The following ITGB4 variants were observed in gnomAD, a reference collection of about 807,000 sequenced individuals.
ITGB4 encodes the protein integrin subunit beta 4.
ITGB4 carries 159 observed loss-of-function variants against 207.6 expected under a neutral mutation model. That is an observed-to-expected ratio of 0.77 (90% confidence interval 0.67 to 0.87). The LOEUF is 0.87. Among genes scored for constraint, ITGB4 ranks in the 40% least tolerant of loss-of-function variants. The pLI is 0.00. For synonymous variants in ITGB4, 1,020 were observed against 1,062.7 expected, an observed-to-expected ratio of 0.96 and a Z score of 0.78; for missense variants, 2,278 against 2,546.8, an observed-to-expected ratio of 0.89 and a Z score of 2.27.
Position 75,727,117 on chromosome 17 carries a change from C to T in ITGB4, c.80-78C>T. On this transcript the variant is annotated intron_variant, in intron 2 of 39. Transcript: ENST00000200181. This position sits in a 1 kb window ranked among gnomAD's most constrained non-coding sequence, Gnocchi z 6.0. Reference sequence around the variant, plus strand: ...CATAAGGAGGGAATCCCCATCTCTCCAGGTGAAGGTGCAGGTGGGAAAGTG... The same window carrying T: ...CATAAGGAGGGAATCCCCATCTCTCTAGGTGAAGGTGCAGGTGGGAAAGTG... The T allele has an allele frequency of 2.8e-6, 3 of 1,079,918 alleles. No homozygotes were observed. Among genetic ancestry groups the T allele is most frequent in the African/African-American group, 1.6e-5 (1 of 63,808 alleles). 66.9% of individuals were successfully genotyped at this position (1,079,918 alleles called of 1,614,324 possible).
At position 75,740,610 on chromosome 17, in the gene ITGB4, G is replaced by A. The variant is rs755822376; in HGVS notation, c.2550+149G>A. On this transcript the variant is annotated intron_variant, in intron 21 of 39. Coordinates refer to ENST00000200181, the MANE Select transcript of ITGB4 (RefSeq NM_000213.5). This position sits in a 1 kb window ranked among gnomAD's most constrained non-coding sequence, Gnocchi z 5.9. ...ACCTGTGCCTGGCAGGGGGCATCCT[G>A]GGATCTGTTTCCAGAGGGCAGAAGG... 3 of 955,344 alleles carry A rather than the reference G, an allele frequency of 3.1e-6. No homozygotes were observed. The highest frequency in any genetic ancestry group is 2.4e-4 in the Middle Eastern group (1 of 4,236). 59.2% of individuals were successfully genotyped at this position (955,344 alleles called of 1,614,324 possible). A position where few individuals can be genotyped will look rare whatever the true frequency, so the allele number is the denominator to read the frequency against.
intron 13 of ITGB4, among the ~76,000 whole-genome samples, chr17:75,735,156 C>G (rs1326388443): frequency 6.6e-6 from 1 of 151,956 alleles, no homozygotes; most frequent in Non-Finnish European, 1.5e-5. Context: ...GGCATGATCT[C>G]AGCTCACTAC....
At chr17:75,724,819 G>A (rs2060686372) in intron 2 of ITGB4, 37 bp downstream of exon 2, 1 of 1,569,776 alleles carries the variant, frequency 6.4e-7, no homozygotes, top group East Asian at 2.2e-5. Flanking sequence ...CTCCTGGCAG[G>A]ATCATCCCTT....
Position 75,731,418 on chromosome 17 carries a change from A to G in ITGB4, c.1215+50A>G. On this transcript the variant is annotated intron_variant, in intron 10 of 39. Coordinates refer to ENST00000200181, the MANE Select transcript of ITGB4 (RefSeq NM_000213.5). The surrounding 1 kb of genome is among the most constrained non-coding windows in gnomAD (Gnocchi z 6.8). ...GTGGGGGATAGGCACAGCGCCCCAC[A>G]CCGAGTGGAATCGTTTAAAACAGCG... 6.4e-7 allele frequency: 1 copy of G among 1,564,704 alleles called. No individual in the cohort carries two copies. Among genetic ancestry groups the G allele is most frequent in the Non-Finnish European group, 8.7e-7 (1 of 1,146,028 alleles).
intron 30 of ITGB4, among the ~76,000 whole-genome samples, 192 bp downstream of exon 30, chr17:75,751,303 G>T (rs755926802): frequency 8.8e-4 from 134 of 152,206 alleles, no homozygotes; most frequent in Non-Finnish European, 1.8e-3. Flanking sequence ...TGCATTCTAA[G>T]ACCAAACCCA....
rs755343727 is a variant in ITGB4 at position 75,750,083 on chromosome 17, G to T, written c.3317-28G>T. 2.1e-5 allele frequency: 34 copies of T among 1,613,228 alleles called. No homozygotes were observed. The highest frequency in any genetic ancestry group is 2.5e-5 in the Non-Finnish European group (29 of 1,179,996). On this transcript the variant is annotated intron_variant, in intron 27 of 39. Coordinates refer to ENST00000200181, the MANE Select transcript of ITGB4 (RefSeq NM_000213.5). This position sits in a 1 kb window ranked among gnomAD's most constrained non-coding sequence, Gnocchi z 5.5. Reference sequence around the variant, plus strand: ...CTGGTGGTGAAGGGGGATCTGAGTGGTTGCCCGGCCCCAACCTGACCCGTT... The same window carrying T: ...CTGGTGGTGAAGGGGGATCTGAGTGTTTGCCCGGCCCCAACCTGACCCGTT...
chr17:75,755,195 G>T (rs1416322589), intron 34 of ITGB4: 2 of 1,604,872 alleles, frequency 1.2e-6, no homozygotes, highest in South Asian at 1.1e-5. Context: ...GAGGCCAGCA[G>T]CGCCCTCCTG....
Position 75,749,011 on chromosome 17 carries a change from GC to G in ITGB4, c.3286del (p.His1096ThrfsTer64). ...NPKFGAHLGQPHSTTIIIRDP... is the reference protein window; with the variant it reads ...NPKFGAHLGQXHSTTIIIRDP... ...CTAAGTTTGGGGCCCACCTGGGCCAGCCCCACTCCACCACCATCATCATCAG... is the reference window on the plus strand; with the variant it reads ...CTAAGTTTGGGGCCCACCTGGGCCAGCCCACTCCACCACCATCATCATCAG... On this transcript the variant is annotated frameshift_variant, in exon 27 of 40. Coordinates refer to ENST00000200181, the MANE Select transcript of ITGB4 (RefSeq NM_000213.5). LOFTEE classifies it high-confidence loss of function. 6.2e-7 allele frequency: 1 copy of G among 1,612,368 alleles called. No homozygotes were observed. The highest frequency in any genetic ancestry group is 8.5e-7 in the Non-Finnish European group (1 of 1,179,922).
chr17:75,740,121 T>G lies in ITGB4; in HGVS notation c.2446+50T>G, dbSNP rs1229244723. The G allele has an allele frequency of 1.3e-6, 2 of 1,552,618 alleles. No individual in the cohort carries two copies. The highest frequency in any genetic ancestry group is 2.4e-5 in the South Asian group (2 of 84,704). ...GCTCTGGGCAGTGCCCTTCGGGCCC[T>G]CTGTTCCAGATCTGGGATCACAGCA... On this transcript the variant is annotated intron_variant, in intron 20 of 39. Coordinates refer to ENST00000200181, the MANE Select transcript of ITGB4 (RefSeq NM_000213.5). The surrounding 1 kb of genome is among the most constrained non-coding windows in gnomAD (Gnocchi z 5.9).
chr17:75,746,671 GGCTCAT>G (rs1239084463), intron 26 of ITGB4, among the ~76,000 whole-genome samples: 1 of 151,630 alleles, frequency 6.6e-6, no homozygotes, highest in Non-Finnish European at 1.5e-5. Flanking sequence ...TGGGTACAGT[GGCTCAT>G]GCCTGTAATC....
chr17:75,730,596 CCCTCCCTT>C lies in ITGB4; in HGVS notation c.1002+108_1002+115del, dbSNP rs1226777452. 7.0e-3 allele frequency: 8,017 copies of C among 1,150,470 alleles called. 28 individuals carry two copies. Among genetic ancestry groups the C allele is most frequent in the African/African-American group, 0.023 (1,326 of 57,700 alleles). 71.3% of individuals were successfully genotyped at this position (1,150,470 alleles called of 1,614,324 possible). A position where few individuals can be genotyped will look rare whatever the true frequency, so the allele number is the denominator to read the frequency against. Reference sequence around the variant, plus strand: ...CCTCTCCCTCCCTCCCTCCCTCCCTCCCTCCCTTCCTCCCTTCCTCCCTCCCTCTTTTC... The same window carrying C: ...CCTCTCCCTCCCTCCCTCCCTCCCTCCCTCCCTTCCTCCCTCCCTCTTTTC... On this transcript the variant is annotated intron_variant, in intron 8 of 39. Coordinates refer to ENST00000200181, the MANE Select transcript of ITGB4 (RefSeq NM_000213.5).
At chr17:75,736,795 C>A in intron 16 of ITGB4, 101 bp downstream of exon 16, 3 of 1,335,544 alleles carry the variant, frequency 2.2e-6, no homozygotes, top group Non-Finnish European at 3.1e-6. Flanking sequence ...GCAGTCTGGG[C>A]TAAGGTCACA....
chr17:75,750,039 A>G lies in ITGB4; in HGVS notation c.3317-72A>G, dbSNP rs2061330930. 2 of 1,594,018 alleles carry G rather than the reference A, an allele frequency of 1.3e-6. No homozygotes were observed. Among genetic ancestry groups the G allele is most frequent in the Non-Finnish European group, 1.7e-6 (2 of 1,162,970 alleles). ...CTGGGTAGAGCGCCCTGGGTGTTGAAGTGGGTCTCTGGCGCCCCCTGGTGG... is the reference window on the plus strand; with the variant it reads ...CTGGGTAGAGCGCCCTGGGTGTTGAGGTGGGTCTCTGGCGCCCCCTGGTGG... On this transcript the variant is annotated intron_variant, in intron 27 of 39. Coordinates refer to ENST00000200181, the MANE Select transcript of ITGB4 (RefSeq NM_000213.5). This position sits in a 1 kb window ranked among gnomAD's most constrained non-coding sequence, Gnocchi z 5.5.
rs2061345052 is a variant in ITGB4 at position 75,750,592 on chromosome 17, G to A, written c.3475-88G>A. 2.3e-5 allele frequency: 28 copies of A among 1,209,110 alleles called. No homozygotes were observed. The highest frequency in any genetic ancestry group is 3.1e-5 in the Non-Finnish European group (26 of 832,882). 74.9% of individuals were successfully genotyped at this position (1,209,110 alleles called of 1,614,324 possible). A position where few individuals can be genotyped will look rare whatever the true frequency, so the allele number is the denominator to read the frequency against. ...CCCTCGGGCCTCATCTGTGCAAAGAGGACAGTAAGGGCAGAGGTCAGAGGA... is the reference window on the plus strand; with the variant it reads ...CCCTCGGGCCTCATCTGTGCAAAGAAGACAGTAAGGGCAGAGGTCAGAGGA... On this transcript the variant is annotated intron_variant, in intron 28 of 39. Coordinates refer to ENST00000200181, the MANE Select transcript of ITGB4 (RefSeq NM_000213.5). The surrounding 1 kb of genome is among the most constrained non-coding windows in gnomAD (Gnocchi z 5.5).
chr17:75,751,188 CT>C, intron 30 of ITGB4, 77 bp downstream of exon 30: 1 of 1,537,534 alleles, frequency 6.5e-7, no homozygotes, highest in Non-Finnish European at 8.9e-7. Context: ...GGAGGGAGCT[CT>C]TGGTCACTCC....
At chr17:75,753,169 C>A (rs2061406911) in intron 32 of ITGB4, among the ~76,000 whole-genome samples, 2 of 152,218 alleles carry the variant, frequency 1.3e-5, no homozygotes, top group Non-Finnish European at 2.9e-5. Context: ...ACCTCTGGGG[C>A]ACGTATATCT....
Position 75,732,331 on chromosome 17 carries a change from T to G in ITGB4, c.1454+92T>G. 1.1e-5 allele frequency: 14 copies of G among 1,229,434 alleles called. No homozygotes were observed. Among genetic ancestry groups the G allele is most frequent in the Non-Finnish European group, 1.6e-5 (13 of 837,036 alleles). 76.2% of individuals were successfully genotyped at this position (1,229,434 alleles called of 1,614,324 possible). On this transcript the variant is annotated intron_variant, in intron 12 of 39. Coordinates refer to ENST00000200181, the MANE Select transcript of ITGB4 (RefSeq NM_000213.5). This position sits in a 1 kb window ranked among gnomAD's most constrained non-coding sequence, Gnocchi z 5.3. ...CAGGGGCCTGGCCCTGGGTGCACCT[T>G]GTACACCTGGCTGGGGGTGGGGCGG...
At chr17:75,723,614 G>A (rs1025810073) in intron 1 of ITGB4, among the ~76,000 whole-genome samples, 3 of 152,230 alleles carry the variant, frequency 2.0e-5, no homozygotes, top group Admixed American at 6.5e-5. Context: ...CAGGCTGCAC[G>A]CCTTAGAAGC....
rs530916890 is a variant in ITGB4, at chr17:75,748,934, T to C, written c.3205T>C (p.Ser1069Pro). Residue 1069 changes from serine (S) to proline (P), a missense_variant, in exon 27 of 40, where the codon TCC becomes CCC. Coordinates refer to ENST00000200181, the MANE Select transcript of ITGB4 (RefSeq NM_000213.5). The stretch of plus-strand genomic sequence containing the variant: ...GCTCCTGGAGCTGCAAGAAGTTGAC[T>C]CCCTCCTGCGGGGCCGCCAGGTCCG... The part of the protein sequence containing the change: ...VKLLELQEVD[S>P]LLRGRQVRRF... The C allele has an allele frequency of 1.2e-5, 20 of 1,613,144 alleles. No homozygotes were observed. In the Admixed American group the frequency reaches 2.5e-4, roughly 20 times the overall value.
Sources: gnomAD v4.1 joint callset for allele counts (sites outside exome capture counted in the v4.1 genomes callset) on GRCh38, gnomAD v4.1.1 for gene constraint, Gnocchi (gnomAD v3.1) non-coding constraint, MANE v1.5 for transcripts, NCBI Gene and HGNC (gene_info 2026-07-23, HGNC 2026-07-21) for gene names.